Variants in ZXDC observed in about 807,000 individuals in gnomAD.
The protein encoded by ZXDC is zinc finger protein ZXDC.
Under a neutral mutation model 63.6 loss-of-function variants are expected in ZXDC, and 58 were observed. That is an observed-to-expected ratio of 0.91 (90% CI 0.74 to 1.13). ZXDC has a LOEUF of 1.13. Among genes scored for constraint, ZXDC ranks in the 50% most tolerant of loss-of-function variants. The pLI is 0.00. For missense variants in ZXDC, 1,133 were observed against 1,148.9 expected, an observed-to-expected ratio of 0.99 and a Z score of 0.20; for synonymous variants, 561 against 496.1, an observed-to-expected ratio of 1.13 and a Z score of -1.74.
intron 7 of ZXDC, chr3:126,457,424 A>G: frequency 2.0e-6 from 2 of 985,426 alleles, no homozygotes; most frequent in Non-Finnish European, 2.4e-6. Context: ...GCCTTCCTGC[A>G]CTGGCTGAGG....
Position 126,475,620 on chromosome 3 carries a change from C to G in ZXDC, c.246G>C (p.Pro82=). 6.8e-7 allele frequency: 1 copy of G among 1,473,338 alleles called. No individual in the cohort carries two copies. The highest frequency in any genetic ancestry group is 9.0e-7 in the Non-Finnish European group (1 of 1,110,702). The allele number at this position is 1,473,338 out of a possible 1,614,324, so 91.3% of individuals were successfully genotyped here. A position where few individuals can be genotyped will look rare whatever the true frequency, so the allele number is the denominator to read the frequency against. The stretch of plus-strand genomic sequence containing the variant: ...CAGCCTCGGCGGCAGCGCCGCCGTG[C>G]GGCACTTCCAGCAGCACCAAGAAAG... ...GDSFLVLLEV[P]HGGAAAEAAG... The change falls in exon 1 of 10, where the codon CCG becomes CCC. Residue 82 remains proline, a synonymous_variant. Transcript: ENST00000389709.
Position 126,475,446 on chromosome 3 carries a change from G to T in ZXDC, c.420C>A (p.Leu140=). The part of the protein sequence containing the change: ...TISSQDLLVR[L]DRGVLALSAP... Reference sequence around the variant, plus strand: ...CAGACAGCGCGAGGACGCCGCGGTCGAGACGCACCAGCAGGTCCTGGCTGC... The same window carrying T: ...CAGACAGCGCGAGGACGCCGCGGTCTAGACGCACCAGCAGGTCCTGGCTGC... The change falls in exon 1 of 10, where the codon CTC becomes CTA. Residue 140 remains leucine (L), a synonymous_variant. Transcript: ENST00000389709. 8.4e-7 allele frequency: 1 copy of T among 1,194,152 alleles called. No individual in the cohort carries two copies. The highest frequency in any genetic ancestry group is 1.0e-6 in the Non-Finnish European group (1 of 965,910). The allele number at this position is 1,194,152 out of a possible 1,614,324, so 74.0% of individuals were successfully genotyped here.
In ZXDC at chr3:126,462,313, AG is replaced by A. The variant is rs1429362816; in HGVS notation, c.1442-94del. The A allele has an allele frequency of 3.4e-6, 5 of 1,480,696 alleles. No individual in the cohort carries two copies. The Admixed American group carries it at 1.2e-4, about 35-fold the overall frequency. The allele number at this position is 1,480,696 out of a possible 1,614,324, so 91.7% of individuals were successfully genotyped here. A position where few individuals can be genotyped will look rare whatever the true frequency, so the allele number is the denominator to read the frequency against. On this transcript the variant is annotated intron_variant, in intron 5 of 9. Transcript: ENST00000389709. ...CATGATGTTACCGAGTGATGCCCCA[AG>A]GAAGCACTGACTGTCCTCTTCCCAC...
intron 3 of ZXDC, among the ~76,000 whole-genome samples, chr3:126,471,670 A>G (rs1340084181): frequency 6.6e-6 from 1 of 152,082 alleles, no homozygotes; most frequent in African/African-American, 2.4e-5. Flanking sequence ...TTGTAATTAC[A>G]TGAAGAAAGC....
intron 7 of ZXDC, among the ~76,000 whole-genome samples, chr3:126,450,101 C>T (rs966068829): frequency 6.6e-6 from 1 of 152,194 alleles, no homozygotes; most frequent in Non-Finnish European, 1.5e-5. Context: ...ACTAAAGGAG[C>T]CCAGGCCCCT....
At chr3:126,448,592 T>C (rs1187957221) in intron 7 of ZXDC, among the ~76,000 whole-genome samples, 1 of 152,136 alleles carries the variant, frequency 6.6e-6, no homozygotes, top group Non-Finnish European at 1.5e-5. Flanking sequence ...GGCACGGCCA[T>C]GCACTAAGAA....
intron 1 of ZXDC, 30 bp downstream of exon 1, chr3:126,474,929 C>T: frequency 6.5e-7 from 1 of 1,535,136 alleles, no homozygotes; most frequent in Non-Finnish European, 8.8e-7. Context: ...CAACACCGCG[C>T]AGCCCGCCCG....
rs747172323 is a variant in ZXDC, at chr3:126,466,321, A to G, written c.1275T>C (p.Cys425=). 1 of 1,614,080 alleles carries G rather than the reference A, an allele frequency of 6.2e-7. No homozygotes were observed. The highest frequency in any genetic ancestry group is 1.3e-5 in the African/African-American group (1 of 74,930). Reference sequence around the variant, plus strand: ...TGCTACGAGCGGAGAACCTCGCGCAACATCCTGGAACAAAAAGAGTAATGA... The same window carrying G: ...TGCTACGAGCGGAGAACCTCGCGCAGCATCCTGGAACAAAAAGAGTAATGA... ...TKPFECPVEG[C]CARFSARSSL... The change falls in exon 5 of 10, where the codon TGT becomes TGC. Residue 425 remains cysteine, a synonymous_variant. Coordinates refer to ENST00000389709, the MANE Select transcript of ZXDC (RefSeq NM_025112.5).
chr3:126,452,428 A>G, intron 7 of ZXDC: 1 of 984,730 alleles, frequency 1.0e-6, no homozygotes, highest in South Asian at 4.7e-5. Context: ...GGAGCCGAGC[A>G]CTCCTCCCCA....
In ZXDC at chr3:126,439,662, G is replaced by T; in HGVS notation, c.2460C>A (p.Leu820=). Residue 820 remains leucine (L), a synonymous_variant, in exon 9 of 10, where the codon CTC becomes CTA. Transcript: ENST00000389709. ...ARGPATFLPF[L]TVDLPVYVLQ... is the part of the protein sequence containing the mutation. ...GGACGTAGACGGGCAGGTCCACAGT[G>T]AGGAAGGGGAGGAAGGTGGCTGGGC... is the stretch of plus-strand genomic sequence containing the variant. 6.4e-7 allele frequency: 1 copy of T among 1,553,576 alleles called. No individual in the cohort carries two copies. Among genetic ancestry groups the T allele is most frequent in the South Asian group, 1.2e-5 (1 of 84,174 alleles).
chr3:126,472,183 G>A lies in ZXDC; in HGVS notation c.1030C>T (p.Arg344Trp), dbSNP rs752742634. The A allele has an allele frequency of 3.7e-6, 6 of 1,610,700 alleles. No individual in the cohort carries two copies. The highest frequency in any genetic ancestry group is 2.5e-6 in the Non-Finnish European group (3 of 1,177,062). Residue 344 changes from arginine to tryptophan, a missense_variant, in exon 2 of 10, where the codon CGG becomes TGG. Arg to Trp is a moderately radical substitution (Grantham distance 101, BLOSUM62 -3). Coordinates refer to ENST00000389709, the MANE Select transcript of ZXDC (RefSeq NM_025112.5). ...TGGCTCCGCAGGTGAATTTTCAGCC[G>A]ACAGGCTTTATCATACTGCTTGCTG... is the stretch of plus-strand genomic sequence containing the variant. Reference protein sequence around the residue: ...GCSKQYDKACRLKIHLRSHTG... With the variant: ...GCSKQYDKACWLKIHLRSHTG...
chr3:126,460,225 A>G, intron 6 of ZXDC: 1 of 838,540 alleles, frequency 1.2e-6, no homozygotes, highest in South Asian at 5.5e-5. Flanking sequence ...AATAATAATG[A>G]TGGTACTGAA....
intron 4 of ZXDC, 93 bp from the exon 5 acceptor site, chr3:126,466,418 C>T: frequency 7.0e-7 from 1 of 1,419,470 alleles, no homozygotes. Flanking sequence ...ACCACCAGAC[C>T]TGCATTTTGC....
At chr3:126,460,999 T>C (rs1007690336) in intron 6 of ZXDC, 1 of 976,498 alleles carries the variant, frequency 1.0e-6, no homozygotes, top group Admixed American at 6.2e-5. Context: ...GTATAATTGA[T>C]ATAAAGTATA....
At chr3:126,453,140 C>T (rs1934172236) in intron 7 of ZXDC, 1 of 985,314 alleles carries the variant, frequency 1.0e-6, no homozygotes, top group South Asian at 4.7e-5. Flanking sequence ...TATTCATATT[C>T]TTATTTCTGA....
intron 8 of ZXDC, chr3:126,441,208 G>A (rs532821021): frequency 1.0e-6 from 1 of 985,808 alleles, no homozygotes; most frequent in East Asian, 1.1e-4. Flanking sequence ...GCAGGTATCT[G>A]TGGCCCGGAC....
rs1172382377 is a variant in ZXDC, at chr3:126,466,140, G to A, written c.1441+15C>T. ...AGGGAAGCAGCTCCCCATGGGGGCC[G>A]TGGAAAGTGCAGACCTTGGCGCCGG... On this transcript the variant is annotated intron_variant, in intron 5 of 9. Transcript: ENST00000389709. The A allele has an allele frequency of 1.4e-5, 22 of 1,601,962 alleles. 1 individual carries two copies. Among genetic ancestry groups the A allele is most frequent in the Middle Eastern group, 1.7e-4 (1 of 5,722 alleles).
intron 9 of ZXDC, among the ~76,000 whole-genome samples, chr3:126,439,290 G>A (rs890639877): frequency 6.6e-6 from 1 of 152,212 alleles, no homozygotes; most frequent in Non-Finnish European, 1.5e-5. Flanking sequence ...GCTTAACCAC[G>A]TAAGCAAACT....
Position 126,461,989 on chromosome 3 carries a change from CTAT to C in ZXDC, c.1670_1672del (p.Asn557del), listed in dbSNP as rs1181133250. ...CAGGGGTTCCATCGGCCCTAGGGAG[CTAT>C]TATTAGCAGGGAGGTTCCCTCCCAG... is the stretch of plus-strand genomic sequence containing the variant. On this transcript the variant is annotated inframe_deletion, in exon 6 of 10. Coordinates refer to ENST00000389709, the MANE Select transcript of ZXDC (RefSeq NM_025112.5). 2 of 1,613,950 alleles carry C rather than the reference CTAT, an allele frequency of 1.2e-6. No homozygotes were observed. The highest frequency in any genetic ancestry group is 1.7e-6 in the Non-Finnish European group (2 of 1,180,026).
Sources: allele counts gnomAD v4.1 joint callset (sites outside exome capture counted in the v4.1 genomes callset), GRCh38; gene constraint gnomAD v4.1.1; transcripts MANE v1.5; gene names NCBI Gene and HGNC (gene_info 2026-07-23, HGNC 2026-07-21).